Variants in PRRG1 observed in about 807,000 individuals in gnomAD.
The protein encoded by PRRG1 is proline rich and Gla domain 1, also known as transmembrane gamma-carboxyglutamic acid protein 1.
Under a neutral mutation model 11.8 loss-of-function variants are expected in PRRG1, and 5 were observed. The observed-to-expected ratio is 0.42, with a 90% CI of 0.22 to 0.89. The LOEUF is 0.89. Among genes scored for constraint, PRRG1 ranks in the 40% least tolerant of loss-of-function variants. PRRG1 has a pLI of 0.28. For synonymous variants in PRRG1, 66 were observed against 60.4 expected, an observed-to-expected ratio of 1.09 and a Z score of -0.43; for missense variants, 155 against 166.1, an observed-to-expected ratio of 0.93 and a Z score of 0.37.
chrX:37,416,956 T>G (rs1415941), intron 2 of PRRG1, among the ~76,000 whole-genome samples: 32,777 of 110,939 alleles, frequency 0.3, 7,065 homozygotes, highest in African/African-American at 0.77. Flanking sequence ...CTGAATGTAT[T>G]CTCTGAAATT....
chrX:37,399,815 A>T (rs782731732), intron 1 of PRRG1, among the ~76,000 whole-genome samples: 1,164 of 106,922 alleles, frequency 0.011, 4 homozygotes, highest in Non-Finnish European at 0.018. Flanking sequence ...AAACAAAAAA[A>T]GGCAGGGGTT....
At chrX:37,385,155 A>G (rs1312708253) in intron 1 of PRRG1, among the ~76,000 whole-genome samples, 1 of 112,364 alleles carries the variant, frequency 8.9e-6, no homozygotes, top group East Asian at 2.8e-4. Flanking sequence ...AGTAGTGAGA[A>G]TGAATGAGCT....
intron 1 of PRRG1, among the ~76,000 whole-genome samples, chrX:37,399,097 C>T (rs782577310): frequency 2.0e-3 from 218 of 111,792 alleles, no homozygotes; most frequent in Non-Finnish European, 3.6e-3. Flanking sequence ...TCTAGCAAGG[C>T]AGGCCAACAT....
In PRRG1 at chrX:37,453,643, C is replaced by G. The variant is rs373146426; in HGVS notation, c.*22C>G. Reference sequence around the variant, plus strand: ...ATGAAGCTGCAAACTTCTTTTTACTCTAATCATTTTTAAAATACTAATGGA... The same window carrying G: ...ATGAAGCTGCAAACTTCTTTTTACTGTAATCATTTTTAAAATACTAATGGA... On this transcript the variant is annotated 3_prime_UTR_variant, in exon 4 of 4. Transcript: ENST00000378628. 10 of 1,135,767 alleles carry G rather than the reference C, an allele frequency of 8.8e-6. No homozygotes were observed. Among genetic ancestry groups the G allele is most frequent in the Non-Finnish European group, 1.2e-5 (10 of 858,712 alleles). The allele number at this position is 1,135,767 out of a possible 1,213,427, so 93.6% of individuals were successfully genotyped here. A position where few individuals can be genotyped will look rare whatever the true frequency, so the allele number is the denominator to read the frequency against.
intron 1 of PRRG1, among the ~76,000 whole-genome samples, chrX:37,377,069 A>T (rs1167380263): frequency 9.0e-6 from 1 of 111,357 alleles, no homozygotes; most frequent in South Asian, 3.8e-4. Flanking sequence ...CGTTTTGTTT[A>T]TCTCGGAAAT....
At chrX:37,353,262 A>G (rs1028074627) in intron 1 of PRRG1, among the ~76,000 whole-genome samples, 3 of 111,995 alleles carry the variant, frequency 2.7e-5, no homozygotes, top group African/African-American at 9.7e-5. Context: ...TAAAAAGTTA[A>G]ACAAATTAAA....
intron 1 of PRRG1, among the ~76,000 whole-genome samples, chrX:37,360,400 T>G (rs1285309288): frequency 8.9e-6 from 1 of 112,532 alleles, no homozygotes; most frequent in Non-Finnish European, 1.9e-5. Context: ...GATTTTTTTC[T>G]TCAATAATCC....
intron 1 of PRRG1, among the ~76,000 whole-genome samples, chrX:37,395,401 T>C (rs1322811926): frequency 9.0e-6 from 1 of 110,981 alleles, no homozygotes; most frequent in Non-Finnish European, 1.9e-5. Context: ...AATCACGAGG[T>C]CAGGAGGTCG....
Position 37,440,687 on chromosome X carries a change from A to G in PRRG1, c.172-12449A>G, listed in dbSNP as rs986327504. The G allele has an allele frequency of 8.4e-6, 4 of 477,086 alleles. No homozygotes were observed. In the Admixed American group the frequency reaches 1.3e-4, roughly 16 times the overall value. The allele number at this position is 477,086 out of a possible 1,213,427, so 39.3% of individuals were successfully genotyped here. ...AATGGGATAAATTAATAAAAATTATAATTCCCTATTAACCTAGGTTTTATA... is the reference window on the plus strand; with the variant it reads ...AATGGGATAAATTAATAAAAATTATGATTCCCTATTAACCTAGGTTTTATA... On this transcript the variant is annotated intron_variant, in intron 3 of 3. Transcript: ENST00000378628.
At chrX:37,372,375 C>T (rs1556371028) in intron 1 of PRRG1, among the ~76,000 whole-genome samples, 1 of 112,306 alleles carries the variant, frequency 8.9e-6, no homozygotes, top group East Asian at 2.8e-4. Flanking sequence ...ACAATCTCAG[C>T]TCACTGCAAC....
chrX:37,373,044 G>A (rs978401441), intron 1 of PRRG1, among the ~76,000 whole-genome samples: 2 of 111,839 alleles, frequency 1.8e-5, no homozygotes, highest in African/African-American at 6.5e-5. Flanking sequence ...ACTATTTATT[G>A]AAGAGACTCT....
At chrX:37,419,083 C>T (rs781926678) in intron 2 of PRRG1, among the ~76,000 whole-genome samples, 3 of 112,226 alleles carry the variant, frequency 2.7e-5, no homozygotes, top group African/African-American at 9.7e-5. Context: ...TCTGCATAAA[C>T]GAGGTATTAC....
rs1189192885 is a variant in PRRG1 at position 37,455,093 on chromosome X, TC to T, written c.*1476del. On this transcript the variant is annotated 3_prime_UTR_variant, in exon 4 of 4. Transcript: ENST00000378628. ...TTCCAGCTCCATCCCTACAGACTCC[TC>T]CCCGAGTCCTGCCCTGGAACCAAAG... 9.0e-6 allele frequency: 1 copy of T among 111,071 alleles called. No homozygotes were observed. The highest frequency in any genetic ancestry group is 3.3e-5 in the African/African-American group (1 of 30,524). 9.2% of individuals were successfully genotyped at this position (111,071 alleles called of 1,213,427 possible). A position where few individuals can be genotyped will look rare whatever the true frequency, so the allele number is the denominator to read the frequency against.
At chrX:37,358,054 C>T (rs1601967745) in intron 1 of PRRG1, among the ~76,000 whole-genome samples, 2 of 109,704 alleles carry the variant, frequency 1.8e-5, no homozygotes, top group South Asian at 3.8e-4. Context: ...TGTATATCTT[C>T]TTTGGTGAGG....
At chrX:37,398,878 TCA>T (rs1556379206) in intron 1 of PRRG1, among the ~76,000 whole-genome samples, 1 of 110,538 alleles carries the variant, frequency 9.0e-6, no homozygotes, top group African/African-American at 3.3e-5. Flanking sequence ...AGAAAGGGTA[TCA>T]GTGATGGAAG....
intron 1 of PRRG1, among the ~76,000 whole-genome samples, chrX:37,354,559 A>AT (rs1479290047): frequency 2.2e-4 from 24 of 107,665 alleles, no homozygotes; most frequent in Non-Finnish European, 4.0e-4. Context: ...TGCCTGGCTA[A>AT]TTTTTTTGTA....
At position 37,442,128 on chromosome X, in the gene PRRG1, CG is replaced by C. The variant is rs1483649580; in HGVS notation, c.172-11003del. ...GCCTTCCCTGGGTCAGGCCACCAGG[CG>C]GGGGCGTGCATGTTGCCCTTTCAGA... On this transcript the variant is annotated intron_variant, in intron 3 of 3. Transcript: ENST00000378628. 7.9e-6 allele frequency: 6 copies of C among 756,489 alleles called. No individual in the cohort carries two copies. The African/African-American group carries it at 1.2e-4, about 15-fold the overall frequency. The allele number at this position is 756,489 out of a possible 1,213,427, so 62.3% of individuals were successfully genotyped here.
chrX:37,408,059 G>A (rs1342305514), intron 2 of PRRG1, among the ~76,000 whole-genome samples: 2 of 111,932 alleles, frequency 1.8e-5, no homozygotes, highest in Non-Finnish European at 3.8e-5. Context: ...AAAACTAAAT[G>A]AACTTTTTAA....
intron 1 of PRRG1, chrX:37,403,715 A>G: frequency 1.3e-6 from 1 of 748,815 alleles, no homozygotes; most frequent in Non-Finnish European, 1.6e-6. Context: ...AAAAGAAGGG[A>G]CCAGAGACTA....
Sources: allele counts gnomAD v4.1 joint callset (sites outside exome capture counted in the v4.1 genomes callset), GRCh38; gene constraint gnomAD v4.1.1; transcripts MANE v1.5; gene names NCBI Gene and HGNC (gene_info 2026-07-23, HGNC 2026-07-21).